Variants in TMEM154 observed in about 807,000 individuals in gnomAD.
TMEM154 encodes the protein transmembrane protein 154.
TMEM154 carries 27 observed loss-of-function variants against 24.5 expected under a neutral mutation model. The ratio of observed to expected loss-of-function variants is 1.10; its 90% CI spans 0.81 to 1.52. TMEM154 has a LOEUF of 1.52. Among genes scored for constraint, TMEM154 ranks in the 40% most tolerant of loss-of-function variants. The probability of loss-of-function intolerance (pLI) is 0.00; values close to 1 mark genes in which losing one functional copy is unlikely to be tolerated. For synonymous variants in TMEM154, 67 were observed against 76.8 expected (o/e 0.87, Z 0.67); for missense variants, 228 against 213.4 (o/e 1.07, Z -0.43).
chr4:152,643,184 A>C lies in TMEM154; in HGVS notation c.393-11T>G, dbSNP rs1188026189. 2.5e-6 allele frequency: 4 copies of C among 1,575,878 alleles called. No homozygotes were observed. Among genetic ancestry groups the C allele is most frequent in the Non-Finnish European group, 2.6e-6 (3 of 1,155,726 alleles). On this transcript the variant is annotated splice_polypyrimidine_tract_variant and intron_variant, in intron 4 of 6. Coordinates refer to ENST00000304385, the MANE Select transcript of TMEM154 (RefSeq NM_152680.3). ...TCCTCAAAAATAGGGCTAGAAATAGAGAGCAAAAGACTTGTTAGAAAGAAA... is the reference window on the plus strand; with the variant it reads ...TCCTCAAAAATAGGGCTAGAAATAGCGAGCAAAAGACTTGTTAGAAAGAAA...
Position 152,652,881 on chromosome 4 carries a change from A to C in TMEM154, c.111T>G (p.Ser37=). The change falls in exon 2 of 7, where the codon TCT becomes TCG. Residue 37 remains serine (S), a synonymous_variant. Coordinates refer to ENST00000304385, the MANE Select transcript of TMEM154 (RefSeq NM_152680.3). ...LENSGDTTVE[S]ERPNKVTIPS... ...GAATAGTCACTTTATTTGGTCTTTC[A>C]GATTCCACAGTTGTATCTCCTGAGT... is the stretch of plus-strand genomic sequence containing the variant. The C allele has an allele frequency of 6.2e-7, 1 of 1,613,676 alleles. No individual in the cohort carries two copies. The highest frequency in any genetic ancestry group is 8.5e-7 in the Non-Finnish European group (1 of 1,179,844).
chr4:152,647,304 C>A, intron 3 of TMEM154: 2 of 985,304 alleles, frequency 2.0e-6, no homozygotes, highest in South Asian at 9.4e-5. Context: ...GCTGGTATGA[C>A]CTTCCATGAT....
intron 4 of TMEM154, among the ~76,000 whole-genome samples, chr4:152,643,714 T>C (rs1752300759): frequency 6.6e-6 from 1 of 152,148 alleles, no homozygotes; most frequent in Non-Finnish European, 1.5e-5. Flanking sequence ...AAGTGCACAG[T>C]CAGGGGACAG....
chr4:152,629,786 T>C (rs907750382), intron 6 of TMEM154, among the ~76,000 whole-genome samples: 2 of 152,116 alleles, frequency 1.3e-5, no homozygotes, highest in African/African-American at 4.8e-5. Flanking sequence ...TAAAAGGACT[T>C]CGGAGCAACT....
intron 6 of TMEM154, among the ~76,000 whole-genome samples, chr4:152,630,605 T>C (rs907384857): frequency 3.3e-5 from 5 of 152,224 alleles, no homozygotes; most frequent in Non-Finnish European, 5.9e-5. Flanking sequence ...GAGTATAATA[T>C]ACAGCTGAAC....
Position 152,628,325 on chromosome 4 carries a change from G to C in TMEM154, c.*221C>G, listed in dbSNP as rs527526181. The stretch of plus-strand genomic sequence containing the variant: ...TCCACCCTCAGAGGCAGCGATGGAT[G>C]GCAGCCAGGCCTTTTCCTAGTACTT... On this transcript the variant is annotated 3_prime_UTR_variant, in exon 7 of 7. Coordinates refer to ENST00000304385, the MANE Select transcript of TMEM154 (RefSeq NM_152680.3). 1 of 731,396 alleles carries C rather than the reference G, an allele frequency of 1.4e-6. No homozygotes were observed. Among genetic ancestry groups the C allele is most frequent in the Admixed American group, 2.8e-5 (1 of 35,584 alleles). 45.3% of individuals were successfully genotyped at this position (731,396 alleles called of 1,614,324 possible).
chr4:152,671,997 A>G (rs1333089872), intron 1 of TMEM154, among the ~76,000 whole-genome samples: 4 of 150,662 alleles, frequency 2.7e-5, no homozygotes, highest in Non-Finnish European at 4.4e-5. Flanking sequence ...TCTCACGCCT[A>G]TAATCCCAGG....
rs775200830 is a variant in TMEM154, at chr4:152,652,769, C to G, written c.223G>C (p.Glu75Gln). The part of the protein sequence containing the change: ...TNFAPDENQL[E>Q]FILMVLIPLI... ...GGGATTAACACCATCAGTATAAACT[C>G]TAACTGATTTTCATCCGGAGCAAAG... Residue 75 changes from glutamate to glutamine, a missense_variant, in exon 2 of 7, where the codon GAG (glutamate) becomes CAG (glutamine). Glu to Gln is a conservative substitution (Grantham distance 29). Coordinates refer to ENST00000304385, the MANE Select transcript of TMEM154 (RefSeq NM_152680.3). 9.9e-6 allele frequency: 16 copies of G among 1,613,910 alleles called. No homozygotes were observed. Among genetic ancestry groups the G allele is most frequent in the Non-Finnish European group, 1.4e-5 (16 of 1,179,970 alleles).
At chr4:152,660,672 G>A (rs779545332) in intron 1 of TMEM154, among the ~76,000 whole-genome samples, 10 of 152,168 alleles carry the variant, frequency 6.6e-5, no homozygotes, top group Non-Finnish European at 1.5e-4. Flanking sequence ...CCTCCCTCAG[G>A]GAGGAATGCA....
chr4:152,665,346 C>A (rs1397885677), intron 1 of TMEM154, among the ~76,000 whole-genome samples: 2 of 152,222 alleles, frequency 1.3e-5, no homozygotes, highest in Admixed American at 6.5e-5. Flanking sequence ...CTCCCCTGAG[C>A]CACACCAGAT....
intron 1 of TMEM154, among the ~76,000 whole-genome samples, chr4:152,658,713 T>G (rs184320296): frequency 6.6e-6 from 1 of 151,940 alleles, no homozygotes; most frequent in Non-Finnish European, 1.5e-5. Context: ...CTTGGGAGGC[T>G]GAGGCAGGAG....
intron 6 of TMEM154, among the ~76,000 whole-genome samples, chr4:152,634,674 C>T (rs4696330): frequency 0.03 from 4,562 of 152,274 alleles, 240 homozygotes; most frequent in African/African-American, 0.099. Flanking sequence ...CACACACGTG[C>T]GCACGTGCAT....
intron 1 of TMEM154, among the ~76,000 whole-genome samples, chr4:152,678,075 A>G (rs1728983078): frequency 6.6e-6 from 1 of 152,220 alleles, no homozygotes. Context: ...AGGTGATACA[A>G]GAATTTGCTA....
chr4:152,671,552 C>A (rs1410390700), intron 1 of TMEM154, among the ~76,000 whole-genome samples: 1 of 150,958 alleles, frequency 6.6e-6, no homozygotes, highest in Non-Finnish European at 1.5e-5. Flanking sequence ...TCGAGACCAT[C>A]CCGGCTAAAA....
intron 1 of TMEM154, among the ~76,000 whole-genome samples, chr4:152,677,620 A>C (rs377276336): frequency 2.8e-4 from 43 of 152,338 alleles, no homozygotes; most frequent in African/African-American, 9.6e-4. Flanking sequence ...GCTTTTTGCA[A>C]GTGGGCATTT....
intron 1 of TMEM154, 78 bp downstream of exon 1, chr4:152,679,792 G>T: frequency 6.5e-7 from 1 of 1,548,042 alleles, no homozygotes; most frequent in Non-Finnish European, 8.8e-7. Flanking sequence ...ACCCTCCCCG[G>T]CAGAGTTCTG....
chr4:152,660,527 A>AT (rs538164330), intron 1 of TMEM154, among the ~76,000 whole-genome samples: 180 of 152,010 alleles, frequency 1.2e-3, no homozygotes, highest in Middle Eastern at 3.4e-3. Context: ...TGTCCTCACC[A>AT]TTTTTTCAGA....
chr4:152,652,823 T>C lies in TMEM154; in HGVS notation c.169A>G (p.Thr57Ala). ...GTAGAATTTATATTTGCATTTAATG[T>C]TTCTTTGATGGTCACTGCAGCAAAT... ...STFAAVTIKETLNANINSTNF... is the reference protein window; with the variant it reads ...STFAAVTIKEALNANINSTNF... Residue 57 changes from threonine to alanine, a missense_variant, in exon 2 of 7, where the codon ACA (threonine) becomes GCA (alanine). Thr to Ala is a moderately conservative substitution (Grantham distance 58). Transcript: ENST00000304385. 6.2e-7 allele frequency: 1 copy of C among 1,614,078 alleles called. No homozygotes were observed. The highest frequency in any genetic ancestry group is 1.1e-5 in the South Asian group (1 of 91,070).
At chr4:152,657,965 A>G (rs1356919587) in intron 1 of TMEM154, among the ~76,000 whole-genome samples, 1 of 152,258 alleles carries the variant, frequency 6.6e-6, no homozygotes, top group East Asian at 1.9e-4. Context: ...GACTGGCCCT[A>G]AAAGAAATGC....
Sources: allele counts gnomAD v4.1 joint callset (sites outside exome capture counted in the v4.1 genomes callset), GRCh38; gene constraint gnomAD v4.1.1; transcripts MANE v1.5; gene names NCBI Gene and HGNC (gene_info 2026-07-23, HGNC 2026-07-21).